The following DSCAML1 variants were observed in gnomAD, a reference collection of about 807,000 sequenced individuals.
The protein encoded by DSCAML1 is DS cell adhesion molecule like 1.
In DSCAML1, 38 loss-of-function variants were observed where a neutral mutation model predicts 200.5. The ratio of observed to expected loss-of-function variants is 0.19; its 90% CI spans 0.15 to 0.25. The LOEUF is 0.25. Among genes scored for constraint, DSCAML1 ranks in the 10% least tolerant of loss-of-function variants. The pLI, the probability that DSCAML1 is intolerant of heterozygous loss-of-function variation, is 1.00. For synonymous variants in DSCAML1, 1,215 were observed against 1,165.0 expected (o/e 1.04, Z -0.87); for missense variants, 2,223 against 2,858.8 (o/e 0.78, Z 5.07).
At chr11:117,651,624 A>G (rs1012192323) in intron 3 of DSCAML1, among the ~76,000 whole-genome samples, 2 of 140,138 alleles carry the variant, frequency 1.4e-5, no homozygotes, top group Non-Finnish European at 3.1e-5. Flanking sequence ...AGGCAGGAGG[A>G]TGGCGTGAAC....
At chr11:117,447,470 T>C (rs185185249) in intron 20 of DSCAML1, among the ~76,000 whole-genome samples, 127 of 151,116 alleles carry the variant, frequency 8.4e-4, no homozygotes, top group African/African-American at 3.1e-3. Context: ...ATACCAGTGT[T>C]TATCTGTAGG....
chr11:117,686,409 A>C (rs1181839976), intron 3 of DSCAML1, among the ~76,000 whole-genome samples: 1 of 152,220 alleles, frequency 6.6e-6, no homozygotes, highest in Non-Finnish European at 1.5e-5. Context: ...CTCAGAAAGA[A>C]GCAGGCACTG....
chr11:117,444,114 G>T, intron 20 of DSCAML1, 75 bp from the exon 21 acceptor site: 4 of 1,491,404 alleles, frequency 2.7e-6, no homozygotes, highest in Admixed American at 2.1e-5. Context: ...CTCAGTGCCC[G>T]GGGCTCAGAG....
intron 3 of DSCAML1, among the ~76,000 whole-genome samples, chr11:117,643,807 T>A (rs1591356080): frequency 6.6e-6 from 1 of 152,148 alleles, no homozygotes; most frequent in Non-Finnish European, 1.5e-5. Flanking sequence ...TCCTCACACA[T>A]CCTCTCACAT....
chr11:117,432,920 G>A (rs1389252341), intron 29 of DSCAML1, among the ~76,000 whole-genome samples: 1 of 152,108 alleles, frequency 6.6e-6, no homozygotes, highest in African/African-American at 2.4e-5. Flanking sequence ...TTTATCCAAT[G>A]TTGAGTCACA....
chr11:117,472,649 G>A (rs1370050196), intron 14 of DSCAML1, among the ~76,000 whole-genome samples: 3 of 152,148 alleles, frequency 2.0e-5, no homozygotes, highest in Non-Finnish European at 2.9e-5. Flanking sequence ...TTAGGGTTAG[G>A]GGCCACCAAA....
intron 3 of DSCAML1, among the ~76,000 whole-genome samples, chr11:117,689,721 C>A (rs1271521785): frequency 6.6e-6 from 1 of 152,208 alleles, no homozygotes; most frequent in Non-Finnish European, 1.5e-5. Flanking sequence ...TGGAGCTTCC[C>A]TGACTGCTGG....
Position 117,652,286 on chromosome 11 carries a change from G to A in DSCAML1, c.512-119764C>T, listed in dbSNP as rs1051412713. ...GTCCCCAGCTCTTAGTCTCCATGAC[G>A]AGAGAGGTCACCTGGGCTACGCATG... is the stretch of plus-strand genomic sequence containing the variant. On this transcript the variant is annotated intron_variant, in intron 3 of 32. Coordinates refer to ENST00000651296, the MANE Select transcript of DSCAML1 (RefSeq NM_020693.4). 5.0e-4 allele frequency among the ~76,000 whole-genome samples: 76 copies of A among 152,238 alleles called. 3 individuals are homozygous for A. Among genetic ancestry groups the A allele is most frequent in the Non-Finnish European group, 7.3e-5 (5 of 68,048 alleles).
intron 20 of DSCAML1, among the ~76,000 whole-genome samples, chr11:117,447,751 A>G (rs2048209494): frequency 6.6e-6 from 1 of 152,206 alleles, no homozygotes; most frequent in Non-Finnish European, 1.5e-5. Flanking sequence ...ATGTGTGAGC[A>G]CACACAGTCT....
intron 3 of DSCAML1, among the ~76,000 whole-genome samples, chr11:117,769,479 TAA>T (rs1458904593): frequency 2.7e-4 from 23 of 85,706 alleles, no homozygotes; most frequent in Admixed American, 5.1e-4. Flanking sequence ...TTTATATATA[TAA>T]TATATATTTT....
rs751394803 is a variant in DSCAML1 at position 117,656,195 on chromosome 11, G to A, written c.511+120596C>T. Among the ~76,000 whole-genome samples, 5 of 152,202 alleles carry A rather than the reference G, an allele frequency of 3.3e-5. 1 individual carries two copies. Among genetic ancestry groups the A allele is most frequent in the Middle Eastern group, 6.3e-3 (2 of 316 alleles). On this transcript the variant is annotated intron_variant, in intron 3 of 32. Transcript: ENST00000651296. The stretch of plus-strand genomic sequence containing the variant: ...AGAGTTTGCAATGAGCCAAGATCAC[G>A]CCACTGCACTCCAGCCTGGGCGACA...
intron 3 of DSCAML1, among the ~76,000 whole-genome samples, chr11:117,552,052 G>A (rs2050476152): frequency 6.6e-6 from 1 of 151,626 alleles, no homozygotes; most frequent in Non-Finnish European, 1.5e-5. Flanking sequence ...AGTGTGATGG[G>A]GTGGGGGCAG....
At chr11:117,787,419 G>GATA (rs148494786) in intron 1 of DSCAML1, among the ~76,000 whole-genome samples, 1 of 152,114 alleles carries the variant, frequency 6.6e-6, no homozygotes, top group Non-Finnish European at 1.5e-5. Flanking sequence ...CACCTCTGAT[G>GATA]ATAATAATAA....
At chr11:117,721,346 A>G (rs2054037742) in intron 3 of DSCAML1, among the ~76,000 whole-genome samples, 2 of 152,198 alleles carry the variant, frequency 1.3e-5, no homozygotes, top group Non-Finnish European at 2.9e-5. Flanking sequence ...TCCGTAGTTT[A>G]AGTCCAACCC....
chr11:117,542,961 G>C (rs976723138), intron 3 of DSCAML1, among the ~76,000 whole-genome samples: 3 of 152,232 alleles, frequency 2.0e-5, no homozygotes, highest in Non-Finnish European at 4.4e-5. Context: ...CCTTCCCCGT[G>C]AGGTGGACTT....
chr11:117,598,165 C>A (rs1443112107), intron 3 of DSCAML1, among the ~76,000 whole-genome samples: 1 of 152,248 alleles, frequency 6.6e-6, no homozygotes, highest in African/African-American at 2.4e-5. Context: ...TTCTCCTCCA[C>A]TGTCCAAGAA....
intron 3 of DSCAML1, among the ~76,000 whole-genome samples, chr11:117,691,096 C>G (rs2053485865): frequency 6.6e-6 from 1 of 152,198 alleles, no homozygotes; most frequent in African/African-American, 2.4e-5. Context: ...TGTGAATAGA[C>G]TTGAAAATCC....
intron 3 of DSCAML1, among the ~76,000 whole-genome samples, chr11:117,586,126 T>C (rs945866302): frequency 6.6e-6 from 1 of 151,986 alleles, no homozygotes; most frequent in South Asian, 2.1e-4. Context: ...ATCTAGGAAA[T>C]AGGCCAGGGA....
chr11:117,768,624 C>G (rs570848274), intron 3 of DSCAML1, among the ~76,000 whole-genome samples: 1 of 152,234 alleles, frequency 6.6e-6, no homozygotes, highest in Admixed American at 6.5e-5. Context: ...GACTCCTTTC[C>G]CATCTAAGAA....
Sources: allele counts gnomAD v4.1 joint callset (sites outside exome capture counted in the v4.1 genomes callset), GRCh38; gene constraint gnomAD v4.1.1; transcripts MANE v1.5; gene names NCBI Gene and HGNC (gene_info 2026-07-23, HGNC 2026-07-21).